EPB41L5: variants seen among roughly 807,000 people sequenced by gnomAD.
The protein encoded by EPB41L5 is band 4.1-like protein 5.
In EPB41L5, 55 loss-of-function variants were observed where a neutral mutation model predicts 106.6. The observed-to-expected ratio is 0.52, with a 90% CI of 0.42 to 0.65. The LOEUF is 0.65. Ranked by LOEUF, EPB41L5 falls within the 30% of genes least tolerant of loss-of-function variation. The pLI, the probability that EPB41L5 is intolerant of heterozygous loss-of-function variation, is 0.00. For synonymous variants in EPB41L5, 297 were observed against 306.7 expected (o/e 0.97, Z 0.33); for missense variants, 871 against 882.1 (o/e 0.99, Z 0.16).
intron 1 of EPB41L5, among the ~76,000 whole-genome samples, chr2:120,016,879 A>T (rs1346432997): frequency 1.3e-5 from 2 of 152,204 alleles, no homozygotes; most frequent in East Asian, 1.9e-4. Context: ...TGGAAAAAAA[A>T]ATCTGGAGAA....
At chr2:120,069,223 A>G (rs1373221858) in intron 3 of EPB41L5, among the ~76,000 whole-genome samples, 5 of 151,814 alleles carry the variant, frequency 3.3e-5, no homozygotes, top group South Asian at 2.1e-4. Flanking sequence ...ACAAAGATCA[A>G]AAAAGACAAA....
At position 120,178,902 on chromosome 2, in the gene EPB41L5, A is replaced by T. The variant is rs1181334352; in HGVS notation, c.*3995A>T. On this transcript the variant is annotated 3_prime_UTR_variant, in exon 25 of 25. Coordinates refer to ENST00000263713, the MANE Select transcript of EPB41L5 (RefSeq NM_020909.4). The stretch of plus-strand genomic sequence containing the variant: ...CCTTATCTGGATATGATAAGTGGTT[A>T]TGAGGGTCTCACTAACTATTTTGTG... 2 of 152,202 alleles carry T rather than the reference A, an allele frequency of 1.3e-5. No homozygotes were observed. The highest frequency in any genetic ancestry group is 4.8e-5 in the African/African-American group (2 of 41,440). 9.4% of individuals were successfully genotyped at this position (152,202 alleles called of 1,614,324 possible). A position where few individuals can be genotyped will look rare whatever the true frequency, so the allele number is the denominator to read the frequency against.
rs549959279 is a variant in EPB41L5, at chr2:120,152,298, T to G, written c.1793+6009T>G. ...CATCAATTGAGATTTTTTCCTTCTT[T>G]CTGTTAATATGGTGTGGTTTTCTGA... is the stretch of plus-strand genomic sequence containing the variant. On this transcript the variant is annotated intron_variant, in intron 20 of 24. Coordinates refer to ENST00000263713, the MANE Select transcript of EPB41L5 (RefSeq NM_020909.4). Among the ~76,000 whole-genome samples, 29 of 152,364 alleles carry G rather than the reference T, an allele frequency of 1.9e-4. 3 individuals are homozygous for G. In the East Asian group the frequency reaches 2.3e-3, roughly 12 times the overall value.
At chr2:120,145,197 A>G (rs566366148) in intron 19 of EPB41L5, among the ~76,000 whole-genome samples, 1 of 152,358 alleles carries the variant, frequency 6.6e-6, no homozygotes, top group African/African-American at 2.4e-5. Flanking sequence ...AGACATACAC[A>G]TATCATCTAA....
At chr2:120,075,438 T>G in intron 5 of EPB41L5, 38 bp from the exon 6 acceptor site, 8 of 1,437,448 alleles carry the variant, frequency 5.6e-6, no homozygotes, top group South Asian at 1.2e-5. Flanking sequence ...CAGTCGATTG[T>G]GCTGTTGGGT....
intron 3 of EPB41L5, among the ~76,000 whole-genome samples, chr2:120,048,342 G>A (rs1256375218): frequency 6.6e-6 from 1 of 152,146 alleles, no homozygotes; most frequent in East Asian, 1.9e-4. Context: ...TTCAGAGCCT[G>A]TTATTGATCT....
chr2:120,173,324 CATT>C (rs1333259618), intron 24 of EPB41L5, among the ~76,000 whole-genome samples: 1 of 152,088 alleles, frequency 6.6e-6, no homozygotes, highest in Non-Finnish European at 1.5e-5. Context: ...AGGAGGAAGT[CATT>C]GTATAAACAC....
At position 120,137,612 on chromosome 2, in the gene EPB41L5, A is replaced by T. The variant is rs1456664937; in HGVS notation, c.1600-5391A>T. 2.0e-5 allele frequency among the ~76,000 whole-genome samples: 3 copies of T among 152,124 alleles called. No homozygotes were observed. In the South Asian group the frequency reaches 6.2e-4, roughly 31 times the overall value. Reference sequence around the variant, plus strand: ...AAATTGGAAAACATTGAAGAAATGGATGAATTCCTAGACACATGCAGCCTA... The same window carrying T: ...AAATTGGAAAACATTGAAGAAATGGTTGAATTCCTAGACACATGCAGCCTA... On this transcript the variant is annotated intron_variant, in intron 18 of 24. Coordinates refer to ENST00000263713, the MANE Select transcript of EPB41L5 (RefSeq NM_020909.4).
chr2:120,116,112 A>C (rs1684936425), intron 16 of EPB41L5, among the ~76,000 whole-genome samples: 1 of 152,102 alleles, frequency 6.6e-6, no homozygotes, highest in African/African-American at 2.4e-5. Flanking sequence ...TGCCCAGCCT[A>C]CAATTAACAT....
At chr2:120,055,207 G>T (rs899778275) in intron 3 of EPB41L5, among the ~76,000 whole-genome samples, 2 of 152,076 alleles carry the variant, frequency 1.3e-5, no homozygotes, top group African/African-American at 4.8e-5. Flanking sequence ...GTACCACAGT[G>T]TCTTGATTAT....
chr2:120,139,637 C>T (rs1429623282), intron 18 of EPB41L5, among the ~76,000 whole-genome samples: 2 of 152,082 alleles, frequency 1.3e-5, no homozygotes, highest in Non-Finnish European at 2.9e-5. Context: ...GATATCATCT[C>T]ACCCCAGTTA....
At chr2:120,072,075 T>G (rs1295704139) in intron 3 of EPB41L5, among the ~76,000 whole-genome samples, 1 of 152,042 alleles carries the variant, frequency 6.6e-6, no homozygotes, top group Non-Finnish European at 1.5e-5. Context: ...TATAAGAAAC[T>G]TAAACAAATT....
chr2:120,111,651 A>C (rs1302019306), intron 16 of EPB41L5, among the ~76,000 whole-genome samples: 1 of 151,786 alleles, frequency 6.6e-6, no homozygotes, highest in Non-Finnish European at 1.5e-5. Flanking sequence ...TACCATCTTT[A>C]CTGCTCCCAT....
chr2:120,064,380 T>C (rs1322388913), intron 3 of EPB41L5, among the ~76,000 whole-genome samples: 5 of 152,268 alleles, frequency 3.3e-5, no homozygotes, highest in Non-Finnish European at 1.5e-5. Flanking sequence ...ATTAGAGACA[T>C]GTAGGTTAAG....
intron 16 of EPB41L5, chr2:120,105,420 A>G (rs1324387360): frequency 2.0e-6 from 2 of 984,850 alleles, no homozygotes; most frequent in Non-Finnish European, 2.4e-6. Flanking sequence ...CTGCTCACAT[A>G]GAGGTTGGTT....
chr2:120,020,474 G>A lies in EPB41L5; in HGVS notation c.180+1210G>A, dbSNP rs745316752. ...TGAAGTGTTTTGAAGTCATCATTAC[G>A]TGTATTTGTTATCTTTGTCTATAAG... On this transcript the variant is annotated intron_variant, in intron 2 of 24. Transcript: ENST00000263713. Among the ~76,000 whole-genome samples the A allele has an allele frequency of 2.6e-5, 4 of 152,258 alleles. No homozygotes were observed. In the South Asian group the frequency reaches 8.3e-4, roughly 32 times the overall value.
intron 2 of EPB41L5, among the ~76,000 whole-genome samples, chr2:120,036,220 T>G (rs1421490507): frequency 2.6e-5 from 4 of 152,206 alleles, no homozygotes; most frequent in African/African-American, 9.6e-5. Flanking sequence ...ACCAAACTCT[T>G]AGAGAGCAGT....
chr2:120,159,577 A>T (rs116123455), intron 20 of EPB41L5, among the ~76,000 whole-genome samples: 6,973 of 152,326 alleles, frequency 0.046, 230 homozygotes, highest in Non-Finnish European at 0.071. Flanking sequence ...TGGAACCAAA[A>T]AAAAGCCCAA....
intron 21 of EPB41L5, among the ~76,000 whole-genome samples, chr2:120,163,591 GTTT>G (rs34255923): frequency 3.9e-4 from 54 of 138,450 alleles, no homozygotes; most frequent in African/African-American, 7.4e-4. Context: ...CCTGTTACTG[GTTT>G]TTTTTTTTTT....
Sources: gnomAD v4.1 joint callset for allele counts (sites outside exome capture counted in the v4.1 genomes callset) on GRCh38, gnomAD v4.1.1 for gene constraint, MANE v1.5 for transcripts, NCBI Gene and HGNC (gene_info 2026-07-23, HGNC 2026-07-21) for gene names.